MARCO: variants seen among roughly 807,000 people sequenced by gnomAD.
MARCO encodes the protein macrophage receptor with collagenous structure.
A neutral mutation model predicts 70.0 loss-of-function variants in MARCO; 72 were observed. The ratio of observed to expected loss-of-function variants is 1.03; its 90% CI spans 0.85 to 1.25. The LOEUF is 1.25. Among genes scored for constraint, MARCO ranks in the 50% most tolerant of loss-of-function variants. The pLI, the probability that MARCO is intolerant of heterozygous loss-of-function variation, is 0.00. For synonymous variants in MARCO, 273 were observed against 243.1 expected, an observed-to-expected ratio of 1.12 and a Z score of -1.14; for missense variants, 696 against 659.3, an observed-to-expected ratio of 1.06 and a Z score of -0.61.
At chr2:118,979,533 G>T (rs1465208935) in intron 8 of MARCO, among the ~76,000 whole-genome samples, 1 of 152,132 alleles carries the variant, frequency 6.6e-6, no homozygotes, top group Admixed American at 6.5e-5. Flanking sequence ...TCTCAAGGTG[G>T]TCCTGCCAGC....
chr2:118,976,236 C>G (rs191415468), intron 6 of MARCO, among the ~76,000 whole-genome samples: 2 of 152,308 alleles, frequency 1.3e-5, no homozygotes, highest in Non-Finnish European at 2.9e-5. Context: ...CCAGGCAACC[C>G]CTTTTTCAGC....
chr2:118,969,062 G>A (rs550037920), intron 1 of MARCO, 98 bp from the exon 2 acceptor site: 1 of 811,558 alleles, frequency 1.2e-6, no homozygotes. Flanking sequence ...GACCTCACAG[G>A]GTGCCCCCTG....
chr2:118,965,227 A>T (rs1013505141), intron 1 of MARCO, among the ~76,000 whole-genome samples: 1 of 152,106 alleles, frequency 6.6e-6, no homozygotes, highest in Admixed American at 6.5e-5. Context: ...GGCTCTGTTC[A>T]TGTGTGTTTG....
Position 118,963,047 on chromosome 2 carries a change from G to A in MARCO, c.98-6113G>A, listed in dbSNP as rs189163886. Among the ~76,000 whole-genome samples the A allele has an allele frequency of 3.6e-3, 551 of 151,822 alleles. 4 individuals are homozygous for A. The highest frequency in any genetic ancestry group is 0.017 in the Middle Eastern group (5 of 294). Reference sequence around the variant, plus strand: ...CAATTTTATTGACTTTGTTCAAAGAGCTAGCTTTTGTTTCATTGATTTTTC... The same window carrying A: ...CAATTTTATTGACTTTGTTCAAAGAACTAGCTTTTGTTTCATTGATTTTTC... On this transcript the variant is annotated intron_variant, in intron 1 of 16. Coordinates refer to ENST00000327097, the MANE Select transcript of MARCO (RefSeq NM_006770.4).
chr2:118,994,068 A>T (rs17010275), intron 16 of MARCO, among the ~76,000 whole-genome samples: 3,849 of 152,278 alleles, frequency 0.025, 161 homozygotes, highest in African/African-American at 0.089. Flanking sequence ...GTGAATTTGC[A>T]GGGAGGAAAC....
chr2:118,964,081 G>A (rs1476903538), intron 1 of MARCO, among the ~76,000 whole-genome samples: 1 of 152,090 alleles, frequency 6.6e-6, no homozygotes, highest in African/African-American at 2.4e-5. Context: ...CCTGGCTATT[G>A]CAATATACAT....
chr2:118,948,121 G>A (rs560835860), intron 1 of MARCO, among the ~76,000 whole-genome samples: 7 of 152,092 alleles, frequency 4.6e-5, no homozygotes. Context: ...ATAGATAATT[G>A]GTGCCAGGAA....
intron 1 of MARCO, among the ~76,000 whole-genome samples, chr2:118,964,099 A>G (rs4849742): frequency 0.12 from 18,567 of 152,256 alleles, 1,295 homozygotes; most frequent in South Asian, 0.27. Context: ...CATACAGAAC[A>G]TATCAACATT....
At chr2:118,952,911 A>T (rs929811984) in intron 1 of MARCO, 4 of 152,202 alleles carry the variant, frequency 2.6e-5, no homozygotes, top group African/African-American at 9.6e-5. Context: ...GAGACAAAAG[A>T]TCTCTCAGCA....
chr2:118,994,223 A>C (rs944145670), intron 16 of MARCO, among the ~76,000 whole-genome samples, 164 bp from the exon 17 acceptor site: 4 of 147,948 alleles, frequency 2.7e-5, no homozygotes, highest in Non-Finnish European at 6.0e-5. Flanking sequence ...ACAACAACAA[A>C]AACAGGCTAA....
At chr2:118,986,783 T>TACAA (rs1680526824) in intron 12 of MARCO, among the ~76,000 whole-genome samples, 1 of 148,178 alleles carries the variant, frequency 6.7e-6, no homozygotes, top group African/African-American at 2.5e-5. Flanking sequence ...AGAAAGAGTG[T>TACAA]GAGAGAAAAG....
rs144812500 is a variant in MARCO, at chr2:118,994,413, G to A, written c.1456G>A (p.Val486Ile). Residue 486 changes from valine to isoleucine, a missense_variant, in exon 17 of 17, where the codon GTT (valine) becomes ATT (isoleucine). Physicochemically the swap from Val to Ile is conservative, Grantham distance 29 (BLOSUM62 3). This residue lies in a region of MARCO where 58 missense variants were observed against 62.1 expected (regional missense o/e 0.93). Transcript: ENST00000327097. The stretch of plus-strand genomic sequence containing the variant: ...CACTGGGCAGATCTGGCTGGATAAT[G>A]TTCAGTGTCGGGGCACGGAGAGTAC... ...AGTGQIWLDNVQCRGTESTLW... is the reference protein window; with the variant it reads ...AGTGQIWLDNIQCRGTESTLW... 30 of 1,614,078 alleles carry A rather than the reference G, an allele frequency of 1.9e-5. No individual in the cohort carries two copies. In the African/African-American group the frequency reaches 2.7e-4, roughly 14 times the overall value.
intron 12 of MARCO, among the ~76,000 whole-genome samples, chr2:118,982,667 C>T (rs1037057113): frequency 6.6e-6 from 1 of 152,158 alleles, no homozygotes; most frequent in Non-Finnish European, 1.5e-5. Flanking sequence ...CGGAGGAGAG[C>T]AAAGCACCTT....
intron 1 of MARCO, among the ~76,000 whole-genome samples, chr2:118,967,597 C>G (rs184089040): frequency 1.9e-4 from 29 of 152,118 alleles, no homozygotes; most frequent in Admixed American, 6.5e-4. Context: ...TAATCGAGTA[C>G]CACTAGCTAA....
intron 8 of MARCO, 124 bp downstream of exon 8, chr2:118,978,059 T>A (rs1266746242): frequency 3.4e-6 from 2 of 591,194 alleles, no homozygotes; most frequent in Non-Finnish European, 6.1e-6. Flanking sequence ...TCTATGGGAA[T>A]CTCTGGAGCA....
intron 12 of MARCO, among the ~76,000 whole-genome samples, chr2:118,989,114 A>C (rs1000501381): frequency 1.3e-5 from 2 of 152,200 alleles, no homozygotes; most frequent in South Asian, 4.1e-4. Context: ...CCTTGGGAGA[A>C]AGGATATCTT....
At chr2:118,980,400 G>A (rs1201334480) in intron 8 of MARCO, among the ~76,000 whole-genome samples, 2 of 152,248 alleles carry the variant, frequency 1.3e-5, no homozygotes, top group Middle Eastern at 3.4e-3. Context: ...CTCATACCTC[G>A]TGAATTCACA....
chr2:118,950,874 A>T (rs2104549984), intron 1 of MARCO, among the ~76,000 whole-genome samples: 1 of 152,190 alleles, frequency 6.6e-6, no homozygotes, highest in African/African-American at 2.4e-5. Flanking sequence ...CTGGACTGTT[A>T]AAGGCCACAA....
At chr2:118,968,100 G>A (rs73948238) in intron 1 of MARCO, among the ~76,000 whole-genome samples, 1,622 of 152,308 alleles carry the variant, frequency 0.011, 31 homozygotes, top group African/African-American at 0.037. Context: ...TAGAGATGAT[G>A]TTGGTAAATG....
Sources: allele counts gnomAD v4.1 joint callset (sites outside exome capture counted in the v4.1 genomes callset), GRCh38; gene constraint gnomAD v4.1.1; regional missense constraint gnomAD v4.1.1; transcripts MANE v1.5; gene names NCBI Gene and HGNC (gene_info 2026-07-23, HGNC 2026-07-21).